Variants in ZNF804B observed in about 807,000 individuals in gnomAD.
ZNF804B encodes the protein zinc finger 804B.
ZNF804B carries 80 observed loss-of-function variants against 101.4 expected under a neutral mutation model. That is an observed-to-expected ratio of 0.79 (90% CI 0.66 to 0.95). ZNF804B has a LOEUF of 0.95. Among genes scored for constraint, ZNF804B ranks in the 40% least tolerant of loss-of-function variants. The pLI is 0.00. For missense variants in ZNF804B, 1,673 were observed against 1,561.9 expected (o/e 1.07, Z -1.20); for synonymous variants, 622 against 558.8 (o/e 1.11, Z -1.59).
chr7:89,201,034 A>G (rs1788624817), intron 1 of ZNF804B, among the ~76,000 whole-genome samples: 1 of 152,062 alleles, frequency 6.6e-6, no homozygotes, highest in Admixed American at 6.6e-5. Context: ...GCTTTTGCTG[A>G]CACTCTTAGG....
chr7:89,275,337 T>G (rs1789965317), intron 2 of ZNF804B, among the ~76,000 whole-genome samples: 1 of 152,048 alleles, frequency 6.6e-6, no homozygotes. Flanking sequence ...TACCTGCTTC[T>G]GCCCTTGTAC....
chr7:89,284,823 G>C (rs529272901), intron 2 of ZNF804B, among the ~76,000 whole-genome samples: 1 of 151,748 alleles, frequency 6.6e-6, no homozygotes, highest in African/African-American at 2.4e-5. Flanking sequence ...AAACATTTTT[G>C]ATTAAAAAAA....
chr7:89,280,991 AT>A lies in ZNF804B; in HGVS notation c.250-46350del, dbSNP rs1790085719. ...TTCTACCATCAGTGTTTTGTAGTAA[AT>A]TTCAAAAATATCATGACCATCTGCA... On this transcript the variant is annotated intron_variant, in intron 2 of 3. Transcript: ENST00000333190. Among the ~76,000 whole-genome samples, 3 of 152,280 alleles carry A rather than the reference AT, an allele frequency of 2.0e-5. No individual in the cohort carries two copies. In the East Asian group the frequency reaches 5.8e-4, roughly 29 times the overall value.
chr7:88,936,354 A>G lies in ZNF804B; in HGVS notation c.108+176270A>G, dbSNP rs570716349. 3.3e-5 allele frequency among the ~76,000 whole-genome samples: 5 copies of G among 152,188 alleles called. No homozygotes were observed. In the South Asian group the frequency reaches 1.0e-3, roughly 31 times the overall value. ...TTCAATAACAGAGTCACCCTGCCAA[A>G]TTAAACTGACAATAGACAGATGATC... On this transcript the variant is annotated intron_variant, in intron 1 of 3. Transcript: ENST00000333190.
At chr7:88,874,111 G>A (rs1367413308) in intron 1 of ZNF804B, among the ~76,000 whole-genome samples, 6 of 152,108 alleles carry the variant, frequency 3.9e-5, no homozygotes, top group African/African-American at 7.2e-5. Flanking sequence ...AGCATGGAAT[G>A]TTCTTCCATT....
intron 1 of ZNF804B, among the ~76,000 whole-genome samples, chr7:88,854,513 TTTCCTTTCCTTCCTTTCC>T (rs1562812854): frequency 1.4e-5 from 1 of 72,274 alleles, no homozygotes. Context: ...TTTCCTTTCC[TTTCCTTTCCTTCCTTTCC>T]TTCCTTCCTT....
chr7:89,217,181 T>A (rs1213495900), intron 1 of ZNF804B, among the ~76,000 whole-genome samples: 2 of 152,154 alleles, frequency 1.3e-5, no homozygotes, highest in Non-Finnish European at 2.9e-5. Flanking sequence ...GGTAATAGAA[T>A]TAAAGAGGAA....
intron 1 of ZNF804B, among the ~76,000 whole-genome samples, chr7:88,891,873 C>T (rs1008986535): frequency 6.6e-6 from 1 of 151,844 alleles, no homozygotes; most frequent in African/African-American, 2.4e-5. Context: ...ATATGCTATC[C>T]CTCCCCTACC....
chr7:88,883,048 T>C (rs1792066856), intron 1 of ZNF804B, among the ~76,000 whole-genome samples: 1 of 152,074 alleles, frequency 6.6e-6, no homozygotes, highest in Non-Finnish European at 1.5e-5. Flanking sequence ...ATTTTTTAAA[T>C]GACTATGCTT....
At chr7:89,326,302 G>A (rs767984242) in intron 2 of ZNF804B, among the ~76,000 whole-genome samples, 2 of 151,962 alleles carry the variant, frequency 1.3e-5, no homozygotes, top group Non-Finnish European at 2.9e-5. Flanking sequence ...TAGCTTAGAT[G>A]TAGTTATCTC....
At position 89,242,835 on chromosome 7, in the gene ZNF804B, C is replaced by T. The variant is rs140738571; in HGVS notation, c.249+24540C>T. 8.8e-4 allele frequency among the ~76,000 whole-genome samples: 134 copies of T among 151,856 alleles called. 1 individual carries two copies. The highest frequency in any genetic ancestry group is 2.9e-3 in the African/African-American group (121 of 41,514). The stretch of plus-strand genomic sequence containing the variant: ...ATCTTCTAAATGTTGGAATACAAAG[C>T]ATATTAGTTTAATAAAAGGTTGAAT... On this transcript the variant is annotated intron_variant, in intron 2 of 3. Coordinates refer to ENST00000333190, the MANE Select transcript of ZNF804B (RefSeq NM_181646.5).
intron 1 of ZNF804B, among the ~76,000 whole-genome samples, chr7:89,071,279 C>T (rs940692768): frequency 9.9e-5 from 15 of 151,888 alleles, no homozygotes; most frequent in African/African-American, 3.1e-4. Context: ...TTGTAAAGAC[C>T]GACTCAATCA....
At chr7:89,041,062 T>C (rs1027717586) in intron 1 of ZNF804B, among the ~76,000 whole-genome samples, 5 of 150,602 alleles carry the variant, frequency 3.3e-5, no homozygotes, top group African/African-American at 9.8e-5. Flanking sequence ...GAACCCTGGG[T>C]CCATGGAGCC....
chr7:89,331,493 G>A (rs755917057), intron 3 of ZNF804B, among the ~76,000 whole-genome samples: 16 of 151,568 alleles, frequency 1.1e-4, no homozygotes, highest in Admixed American at 2.6e-4. Context: ...AGAACTTTCC[G>A]TTATGAAAGA....
At chr7:89,303,609 G>A (rs1790516681) in intron 2 of ZNF804B, among the ~76,000 whole-genome samples, 1 of 151,888 alleles carries the variant, frequency 6.6e-6, no homozygotes, top group Admixed American at 6.6e-5. Flanking sequence ...GATGCAAATA[G>A]TACTCACAGA....
chr7:89,287,918 T>C (rs981439974), intron 2 of ZNF804B, among the ~76,000 whole-genome samples: 2 of 121,532 alleles, frequency 1.6e-5, no homozygotes, highest in Admixed American at 1.7e-4. Flanking sequence ...TTTCAGATAA[T>C]TTAATAGATT....
chr7:89,148,279 T>C (rs1044285135), intron 1 of ZNF804B, among the ~76,000 whole-genome samples: 1 of 152,096 alleles, frequency 6.6e-6, no homozygotes, highest in South Asian at 2.1e-4. Flanking sequence ...CACATAGTAC[T>C]CTTCCAAAAT....
intron 1 of ZNF804B, among the ~76,000 whole-genome samples, chr7:89,030,249 T>C (rs960968967): frequency 6.6e-6 from 1 of 152,194 alleles, no homozygotes; most frequent in Non-Finnish European, 1.5e-5. Flanking sequence ...TAGTGTCATC[T>C]GAAGTCTCAT....
chr7:89,215,286 C>G (rs1194102272), intron 1 of ZNF804B, among the ~76,000 whole-genome samples: 1 of 152,082 alleles, frequency 6.6e-6, no homozygotes, highest in Non-Finnish European at 1.5e-5. Context: ...GTGAAGCTGT[C>G]TTAAAATTGT....
Sources: gnomAD v4.1 joint callset for allele counts (sites outside exome capture counted in the v4.1 genomes callset) on GRCh38, gnomAD v4.1.1 for gene constraint, MANE v1.5 for transcripts, NCBI Gene and HGNC (gene_info 2026-07-23, HGNC 2026-07-21) for gene names.